The following PID1 variants were observed in gnomAD, a reference collection of about 807,000 sequenced individuals.
PID1 encodes PTB-containing, cubilin and LRP1-interacting protein.
Under a neutral mutation model 19.1 loss-of-function variants are expected in PID1, and 10 were observed. The observed-to-expected ratio is 0.52, with a 90% CI of 0.32 to 0.89. The LOEUF (loss-of-function observed/expected upper bound fraction) is 0.89, where lower values mean the gene tolerates loss of function less well. Among genes scored for constraint, PID1 ranks in the 40% least tolerant of loss-of-function variants. PID1 has a pLI of 0.03. For synonymous variants in PID1, 130 were observed against 116.0 expected (o/e 1.12, Z -0.78); for missense variants, 248 against 285.3 (o/e 0.87, Z 0.94).
At chr2:229,123,464 T>C (rs149281841) in intron 2 of PID1, among the ~76,000 whole-genome samples, 1 of 152,376 alleles carries the variant, frequency 6.6e-6, no homozygotes, top group Non-Finnish European at 1.5e-5. Flanking sequence ...CTGGCTATTA[T>C]GAATAATGTT....
rs559014737 is a variant in PID1, at chr2:229,251,407, G to A, written c.30+19607C>T. ...ATTACTAATCAATACTAAAAGCACT[G>A]TATCTGAGTCTATTCCACTGTCAGT... On this transcript the variant is annotated intron_variant, in intron 1 of 2. Transcript: ENST00000392055. Among the ~76,000 whole-genome samples, 9 of 152,094 alleles carry A rather than the reference G, an allele frequency of 5.9e-5. No individual in the cohort carries two copies. The South Asian group carries it at 1.9e-3, about 32-fold the overall frequency.
At chr2:229,115,381 T>C (rs1189145627) in intron 2 of PID1, among the ~76,000 whole-genome samples, 1 of 117,558 alleles carries the variant, frequency 8.5e-6, no homozygotes, top group African/African-American at 3.4e-5. Context: ...GGCATGCACC[T>C]ATAGTCCCAG....
chr2:229,080,585 G>T (rs745923017), intron 2 of PID1, among the ~76,000 whole-genome samples: 1 of 152,136 alleles, frequency 6.6e-6, no homozygotes, highest in Non-Finnish European at 1.5e-5. Flanking sequence ...TTAGAGTTCA[G>T]ATCACAGAAC....
chr2:229,054,729 G>A lies in PID1; in HGVS notation c.178-28621C>T, dbSNP rs981687070. On this transcript the variant is annotated intron_variant, in intron 2 of 2. Transcript: ENST00000392055. Reference sequence around the variant, plus strand: ...GTGTGTGTGTGTGTGTGGGGGGGGGGGGGGGTCTGGTTTTACTCAATTTGT... The same window carrying A: ...GTGTGTGTGTGTGTGTGGGGGGGGGAGGGGGTCTGGTTTTACTCAATTTGT... Among the ~76,000 whole-genome samples, 481 of 113,520 alleles carry A rather than the reference G, an allele frequency of 4.2e-3. 48 individuals carry two copies. Among genetic ancestry groups the A allele is most frequent in the Admixed American group, 7.2e-3 (75 of 10,462 alleles). 74.5% of individuals were successfully genotyped at this position (113,520 alleles called of 152,430 possible).
At chr2:229,245,964 C>T (rs1689992180) in intron 1 of PID1, among the ~76,000 whole-genome samples, 1 of 152,106 alleles carries the variant, frequency 6.6e-6, no homozygotes, top group Admixed American at 6.5e-5. Flanking sequence ...GGCTGTTTTT[C>T]GTGCTCTGTT....
intron 1 of PID1, among the ~76,000 whole-genome samples, chr2:229,232,715 C>T (rs888215659): frequency 2.4e-4 from 35 of 147,900 alleles, no homozygotes; most frequent in African/African-American, 8.7e-4. Flanking sequence ...TACACACATT[C>T]CAATATGATG....
chr2:229,088,869 C>T (rs1364688094), intron 2 of PID1, among the ~76,000 whole-genome samples: 2 of 152,126 alleles, frequency 1.3e-5, no homozygotes, highest in Non-Finnish European at 2.9e-5. Flanking sequence ...AGGTTCTCCT[C>T]TGTTTATATT....
intron 1 of PID1, among the ~76,000 whole-genome samples, chr2:229,185,082 C>CATATATATCTTAT (rs1691097203): frequency 4.9e-5 from 7 of 142,536 alleles, no homozygotes; most frequent in Admixed American, 2.9e-4. Context: ...ATATATCCTA[C>CATATATATCTTAT]ATATATATCC....
At chr2:229,262,682 C>A (rs1035979157) in intron 1 of PID1, 1 of 1,550,990 alleles carries the variant, frequency 6.4e-7, no homozygotes, top group Admixed American at 2.0e-5. Flanking sequence ...TAATCTCTCA[C>A]CATTTCGGAG....
chr2:229,164,100 G>C (rs907386050), intron 1 of PID1, among the ~76,000 whole-genome samples: 1 of 152,096 alleles, frequency 6.6e-6, no homozygotes, highest in Non-Finnish European at 1.5e-5. Context: ...GCTTTCCTCT[G>C]CAACTGGCCA....
intron 2 of PID1, among the ~76,000 whole-genome samples, chr2:229,071,497 T>C (rs748090863): frequency 6.6e-6 from 1 of 152,240 alleles, no homozygotes; most frequent in Non-Finnish European, 1.5e-5. Context: ...AGGTAGATAC[T>C]GTTATTATCC....
At chr2:229,163,676 CGTGTGCGTGTGTGTGTGTGT>C (rs1690538725) in intron 1 of PID1, among the ~76,000 whole-genome samples, 1 of 93,968 alleles carries the variant, frequency 1.1e-5, no homozygotes, top group Non-Finnish European at 2.7e-5. Flanking sequence ...TGTGTGTGTG[CGTGTGCGTGTGTGTGTGTGT>C]ATACTCACTA....
At chr2:229,179,719 G>T (rs1220411108) in intron 1 of PID1, among the ~76,000 whole-genome samples, 2 of 152,224 alleles carry the variant, frequency 1.3e-5, no homozygotes, top group African/African-American at 4.8e-5. Flanking sequence ...AAGGTCGCCA[G>T]ATACAAAGTA....
At position 229,093,772 on chromosome 2, in the gene PID1, C is replaced by A. The variant is rs897243357; in HGVS notation, c.177+62046G>T. Reference sequence around the variant, plus strand: ...CATGGCTTTATGATAAAAAAAAGAACCCCTCAACAATCTAGGCATAGAAAG... The same window carrying A: ...CATGGCTTTATGATAAAAAAAAGAAACCCTCAACAATCTAGGCATAGAAAG... On this transcript the variant is annotated intron_variant, in intron 2 of 2. Transcript: ENST00000392055. Among the ~76,000 whole-genome samples the A allele has an allele frequency of 4.8e-3, 736 of 151,862 alleles. 5 individuals carry two copies. Among genetic ancestry groups the A allele is most frequent in the Non-Finnish European group, 7.2e-3 (491 of 67,890 alleles).
At chr2:229,068,331 G>A (rs1694374367) in intron 2 of PID1, among the ~76,000 whole-genome samples, 1 of 152,114 alleles carries the variant, frequency 6.6e-6, no homozygotes, top group Non-Finnish European at 1.5e-5. Context: ...CTTGGCTCAT[G>A]AGGTTTGTCT....
chr2:229,193,735 T>G (rs1203296711), intron 1 of PID1, among the ~76,000 whole-genome samples: 1 of 151,296 alleles, frequency 6.6e-6, no homozygotes, highest in Non-Finnish European at 1.5e-5. Context: ...ATAAATAATA[T>G]ATACTTAATA....
intron 2 of PID1, among the ~76,000 whole-genome samples, chr2:229,144,091 G>A (rs73998564): frequency 0.15 from 22,068 of 152,116 alleles, 1,986 homozygotes; most frequent in East Asian, 0.28. Flanking sequence ...ATTAATTCCA[G>A]TCTACATTTC....
intron 1 of PID1, among the ~76,000 whole-genome samples, chr2:229,167,292 C>T (rs551444433): frequency 2.8e-4 from 42 of 152,196 alleles, no homozygotes; most frequent in Non-Finnish European, 5.0e-4. Flanking sequence ...AATTATTTTA[C>T]AAAGAGAACT....
intron 1 of PID1, among the ~76,000 whole-genome samples, chr2:229,166,074 T>C (rs1690591487): frequency 6.6e-6 from 1 of 152,210 alleles, no homozygotes; most frequent in African/African-American, 2.4e-5. Context: ...AACCTAAATG[T>C]TTCTCATCAA....
Sources: allele counts gnomAD v4.1 joint callset (sites outside exome capture counted in the v4.1 genomes callset), GRCh38; gene constraint gnomAD v4.1.1; transcripts MANE v1.5; gene names NCBI Gene and HGNC (gene_info 2026-07-23, HGNC 2026-07-21).